The following PSKH1 variants were observed in gnomAD, a reference collection of about 807,000 sequenced individuals.
PSKH1 encodes the protein protein serine kinase H1.
PSKH1 carries 12 observed loss-of-function variants against 26.7 expected under a neutral mutation model. The observed-to-expected ratio is 0.45, with a 90% CI of 0.29 to 0.73. The LOEUF (loss-of-function observed/expected upper bound fraction) is 0.73. Among genes scored for constraint, PSKH1 ranks in the 30% least tolerant of loss-of-function variants. The probability of loss-of-function intolerance (pLI) is 0.11; values close to 1 mark genes in which losing one functional copy is unlikely to be tolerated. For synonymous variants in PSKH1, 213 were observed against 234.3 expected, an observed-to-expected ratio of 0.91 and a Z score of 0.83; for missense variants, 431 against 595.2, an observed-to-expected ratio of 0.72 and a Z score of 2.87.
At chr16:67,902,192 G>A (rs1422992264) in intron 1 of PSKH1, among the ~76,000 whole-genome samples, 2 of 151,940 alleles carry the variant, frequency 1.3e-5, no homozygotes, top group African/African-American at 4.8e-5. Flanking sequence ...CCTGGGAAGT[G>A]GAGGTTGCAG....
At chr16:67,908,087 A>G (rs993868904) in intron 1 of PSKH1, among the ~76,000 whole-genome samples, 2 of 152,114 alleles carry the variant, frequency 1.3e-5, no homozygotes, top group Non-Finnish European at 2.9e-5. Flanking sequence ...CTGACAGCTG[A>G]GGCTATGCGT....
intron 2 of PSKH1, among the ~76,000 whole-genome samples, chr16:67,926,629 A>AG (rs988636423): frequency 3.9e-5 from 6 of 152,116 alleles, no homozygotes; most frequent in African/African-American, 1.4e-4. Flanking sequence ...AGTTCCTCCC[A>AG]GGGGACAGAA....
At chr16:67,926,907 C>A (rs1026326199) in intron 2 of PSKH1, among the ~76,000 whole-genome samples, 2 of 152,118 alleles carry the variant, frequency 1.3e-5, no homozygotes, top group Non-Finnish European at 2.9e-5. Context: ...CTAGGAAGTT[C>A]CCCTTTAAGT....
At chr16:67,910,782 C>T (rs1431634665) in intron 2 of PSKH1, among the ~76,000 whole-genome samples, 1 of 152,220 alleles carries the variant, frequency 6.6e-6, no homozygotes, top group African/African-American at 2.4e-5. Flanking sequence ...GGATTACAGG[C>T]GTGAGCCACT....
chr16:67,926,363 G>T (rs114854906), intron 2 of PSKH1, among the ~76,000 whole-genome samples: 5,701 of 152,278 alleles, frequency 0.037, 303 homozygotes, highest in African/African-American at 0.12. Flanking sequence ...CACCAGGCAC[G>T]GGCTCATCCA....
intron 1 of PSKH1, among the ~76,000 whole-genome samples, chr16:67,904,002 A>G (rs932352459): frequency 6.7e-6 from 1 of 148,906 alleles, no homozygotes; most frequent in African/African-American, 2.5e-5. Flanking sequence ...GGTGCATACC[A>G]TCATACCCAG....
intron 1 of PSKH1, among the ~76,000 whole-genome samples, chr16:67,899,377 C>T (rs1310451318): frequency 6.7e-6 from 1 of 148,654 alleles, no homozygotes; most frequent in African/African-American, 2.5e-5. Flanking sequence ...GCTCTATGGC[C>T]CAGGCTGGAG....
intron 1 of PSKH1, among the ~76,000 whole-genome samples, chr16:67,894,178 A>T (rs747045320): frequency 1.6e-4 from 25 of 152,126 alleles, no homozygotes; most frequent in Non-Finnish European, 1.6e-4. Flanking sequence ...TAATTTTGAG[A>T]CAAGGCCTCT....
In PSKH1 at chr16:67,893,289, C is replaced by T. The variant is rs7196964; in HGVS notation, c.-153C>T. 3,891 of 156,330 alleles carry T rather than the reference C, an allele frequency of 0.025. 161 individuals are homozygous for T. The highest frequency in any genetic ancestry group is 0.1 in the African/African-American group (3,584 of 34,422). The allele number at this position is 156,330 out of a possible 1,614,324, so 9.7% of individuals were successfully genotyped here. ...TAACGCCCGAGAATGGCGGCGGCGGCGGCGGCGGCGGCGGCCGCTGCCATT... is the reference window on the plus strand; with the variant it reads ...TAACGCCCGAGAATGGCGGCGGCGGTGGCGGCGGCGGCGGCCGCTGCCATT... On this transcript the variant is annotated 5_prime_UTR_variant, in exon 1 of 3. Coordinates refer to ENST00000291041, the MANE Select transcript of PSKH1 (RefSeq NM_006742.3).
At chr16:67,925,643 C>T (rs557889820) in intron 2 of PSKH1, among the ~76,000 whole-genome samples, 3 of 152,130 alleles carry the variant, frequency 2.0e-5, no homozygotes, top group African/African-American at 7.2e-5. Context: ...GACTTTCCTC[C>T]TCCTGGGGGC....
intron 2 of PSKH1, among the ~76,000 whole-genome samples, chr16:67,912,887 A>G (rs942207846): frequency 4.0e-5 from 6 of 151,408 alleles, no homozygotes; most frequent in African/African-American, 1.5e-4. Flanking sequence ...AAACAAAAAA[A>G]AAGAAATCCT....
In PSKH1 at chr16:67,893,319, G is replaced by T; in HGVS notation, c.-123G>T. ...GCGGCGGCGGCCGCTGCCATTGCCC[G>T]GAGATGGCCGGCAGAGCCGCCGAGA... On this transcript the variant is annotated 5_prime_UTR_variant, in exon 1 of 3. Coordinates refer to ENST00000291041, the MANE Select transcript of PSKH1 (RefSeq NM_006742.3). 6.2e-6 allele frequency: 1 copy of T among 160,094 alleles called. No homozygotes were observed. The highest frequency in any genetic ancestry group is 1.3e-5 in the Non-Finnish European group (1 of 74,160). The allele number at this position is 160,094 out of a possible 1,614,324, so 9.9% of individuals were successfully genotyped here. A position where few individuals can be genotyped will look rare whatever the true frequency, so the allele number is the denominator to read the frequency against.
Position 67,927,146 on chromosome 16 carries a change from C to A in PSKH1, c.958-179C>A, listed in dbSNP as rs1049195657. The stretch of plus-strand genomic sequence containing the variant: ...TTTCCTTCCTTGCCAGACTCCATCA[C>A]CTGGAGAGCAGCCCTTGTTCAGCCT... On this transcript the variant is annotated intron_variant, in intron 2 of 2. Coordinates refer to ENST00000291041, the MANE Select transcript of PSKH1 (RefSeq NM_006742.3). This position sits in a 1 kb window ranked among gnomAD's most constrained non-coding sequence, Gnocchi z 5.5. Among the ~76,000 whole-genome samples the A allele has an allele frequency of 6.6e-6, 1 of 152,188 alleles. No individual in the cohort carries two copies. Among genetic ancestry groups the A allele is most frequent in the Non-Finnish European group, 1.5e-5 (1 of 68,038 alleles).
At chr16:67,907,930 G>A (rs1464209554) in intron 1 of PSKH1, among the ~76,000 whole-genome samples, 2 of 152,170 alleles carry the variant, frequency 1.3e-5, no homozygotes, top group African/African-American at 4.8e-5. Flanking sequence ...GGGTGATGGT[G>A]TTAGAGAGCA....
At chr16:67,906,705 C>A (rs2058156994) in intron 1 of PSKH1, among the ~76,000 whole-genome samples, 1 of 152,110 alleles carries the variant, frequency 6.6e-6, no homozygotes, top group Non-Finnish European at 1.5e-5. Context: ...CTCTCTTCAA[C>A]CCTTGGGGTC....
chr16:67,927,953 T>C lies in PSKH1; in HGVS notation c.*311T>C. 1 of 410,150 alleles carries C rather than the reference T, an allele frequency of 2.4e-6. No homozygotes were observed. Among genetic ancestry groups the C allele is most frequent in the East Asian group, 4.4e-5 (1 of 22,988 alleles). The allele number at this position is 410,150 out of a possible 1,614,324, so 25.4% of individuals were successfully genotyped here. On this transcript the variant is annotated 3_prime_UTR_variant, in exon 3 of 3. Coordinates refer to ENST00000291041, the MANE Select transcript of PSKH1 (RefSeq NM_006742.3). The surrounding 1 kb of genome is among the most constrained non-coding windows in gnomAD (Gnocchi z 5.5). ...GGAAGGGATAGGACCTGGCCTTCAC[T>C]GTCTCCCTTGCCCTTTGACTTTTCC...
chr16:67,910,287 G>A (rs952524448), intron 2 of PSKH1, among the ~76,000 whole-genome samples: 6 of 152,128 alleles, frequency 3.9e-5, no homozygotes, highest in Admixed American at 3.3e-4. Flanking sequence ...CAAGCAGTGT[G>A]CCACAGCTGC....
At chr16:67,904,233 ACT>A (rs2058149659) in intron 1 of PSKH1, among the ~76,000 whole-genome samples, 1 of 129,412 alleles carries the variant, frequency 7.7e-6, no homozygotes, top group Admixed American at 7.6e-5. Context: ...ACTGAGTCTC[ACT>A]CTGTCACCCA....
Position 67,908,665 on chromosome 16 carries a change from T to C in PSKH1, c.-70-15T>C. ...TTGGCCTGGCTGTGCTGACTTGTTCTCTCTTTGTGTGTAGGTGTAGACGGG... is the reference window on the plus strand; with the variant it reads ...TTGGCCTGGCTGTGCTGACTTGTTCCCTCTTTGTGTGTAGGTGTAGACGGG... On this transcript the variant is annotated splice_polypyrimidine_tract_variant and intron_variant, in intron 1 of 2. Transcript: ENST00000291041. 1 of 1,196,452 alleles carries C rather than the reference T, an allele frequency of 8.4e-7. No individual in the cohort carries two copies. Among genetic ancestry groups the C allele is most frequent in the Admixed American group, 2.4e-5 (1 of 41,952 alleles). The allele number at this position is 1,196,452 out of a possible 1,614,324, so 74.1% of individuals were successfully genotyped here. A position where few individuals can be genotyped will look rare whatever the true frequency, so the allele number is the denominator to read the frequency against.
Sources: gnomAD v4.1 joint callset for allele counts (sites outside exome capture counted in the v4.1 genomes callset) on GRCh38, gnomAD v4.1.1 for gene constraint, Gnocchi (gnomAD v3.1) non-coding constraint, MANE v1.5 for transcripts, NCBI Gene and HGNC (gene_info 2026-07-23, HGNC 2026-07-21) for gene names.